MRTFA: variants seen among roughly 807,000 people sequenced by gnomAD.
The protein encoded by MRTFA is myocardin related transcription factor A, also known as myocardin-related transcription factor A.
MRTFA carries 20 observed loss-of-function variants against 83.5 expected under a neutral mutation model. The ratio of observed to expected loss-of-function variants is 0.24; its 90% CI spans 0.17 to 0.35. The LOEUF (loss-of-function observed/expected upper bound fraction) is 0.35, where lower values mean the gene tolerates loss of function less well. Ranked by LOEUF, MRTFA falls within the 10% of genes least tolerant of loss-of-function variation. MRTFA has a pLI of 1.00. For synonymous variants in MRTFA, 659 were observed against 541.2 expected (o/e 1.22, Z -3.02); for missense variants, 1,200 against 1,224.7 (o/e 0.98, Z 0.30).
intron 7 of MRTFA, among the ~76,000 whole-genome samples, chr22:40,429,198 AT>A (rs1653982441): frequency 6.6e-6 from 1 of 152,194 alleles, no homozygotes; most frequent in African/African-American, 2.4e-5. Flanking sequence ...TAAGTGAAAT[AT>A]CCGTGGAAAG....
chr22:40,419,822 C>T lies in MRTFA; in HGVS notation c.1354-438G>A, dbSNP rs879942841. Among the ~76,000 whole-genome samples the T allele has an allele frequency of 5.9e-5, 9 of 152,220 alleles. 1 individual carries two copies. The highest frequency in any genetic ancestry group is 1.2e-4 in the Non-Finnish European group (8 of 68,044). On this transcript the variant is annotated intron_variant, in intron 11 of 14. Coordinates refer to ENST00000355630, the MANE Select transcript of MRTFA (RefSeq NM_020831.6). Reference sequence around the variant, plus strand: ...ATCTTCTGATGGGGCAGAGAAAACACGCAAGGCACTGGGCATGACCCACTC... The same window carrying T: ...ATCTTCTGATGGGGCAGAGAAAACATGCAAGGCACTGGGCATGACCCACTC...
At chr22:40,610,292 C>T (rs182542552) in intron 1 of MRTFA, among the ~76,000 whole-genome samples, 1 of 152,236 alleles carries the variant, frequency 6.6e-6, no homozygotes, top group African/African-American at 2.4e-5. Flanking sequence ...AGATGATCCA[C>T]CAGCCTCGGC....
intron 2 of MRTFA, among the ~76,000 whole-genome samples, chr22:40,570,459 T>A (rs2055772248): frequency 6.6e-6 from 1 of 151,142 alleles, no homozygotes; most frequent in African/African-American, 2.4e-5. Context: ...GCACCTGTAG[T>A]CCCAGCTACT....
chr22:40,429,385 AT>A, intron 7 of MRTFA: 1 of 677,766 alleles, frequency 1.5e-6, no homozygotes, highest in Non-Finnish European at 2.7e-6. Flanking sequence ...GTTATTATTT[AT>A]TGTTGTATGT....
chr22:40,558,247 CTTTTTTTTTTTTT>C (rs34991397), intron 2 of MRTFA, among the ~76,000 whole-genome samples: 3 of 45,526 alleles, frequency 6.6e-5, no homozygotes, highest in African/African-American at 1.0e-4. Context: ...TCATGCCTGG[CTTTTTTTTTTTTT>C]TTTTTTTTTT....
rs747468224 is a variant in MRTFA, at chr22:40,419,071, G to A, written c.1667C>T (p.Thr556Ile). Residue 556 changes from threonine (T) to isoleucine (I), a missense_variant, in exon 12 of 15, where the codon ACC becomes ATC. Physicochemically the swap from Thr to Ile is moderately conservative, Grantham distance 89. Transcript: ENST00000355630. ...GCTGAGCAGTGAGCGCTCCGAGGGG[G>A]TGGGAGACACGGGGGGCGTGGAGCC... 4 of 1,608,500 alleles carry A rather than the reference G, an allele frequency of 2.5e-6. No homozygotes were observed. Among genetic ancestry groups the A allele is most frequent in the Non-Finnish European group, 3.4e-6 (4 of 1,178,112 alleles).
chr22:40,568,131 C>T (rs1362719037), intron 2 of MRTFA, among the ~76,000 whole-genome samples: 3 of 152,144 alleles, frequency 2.0e-5, no homozygotes, highest in Non-Finnish European at 4.4e-5. Flanking sequence ...TAAGCACCTA[C>T]CAGAGCCACA....
At chr22:40,577,557 T>C (rs2055884932) in intron 2 of MRTFA, among the ~76,000 whole-genome samples, 1 of 151,636 alleles carries the variant, frequency 6.6e-6, no homozygotes, top group African/African-American at 2.4e-5. Flanking sequence ...ACAAGGTAGG[T>C]ACAAGGAAAG....
At chr22:40,619,674 G>C (rs1431197394) in intron 1 of MRTFA, among the ~76,000 whole-genome samples, 1 of 151,958 alleles carries the variant, frequency 6.6e-6, no homozygotes, top group Non-Finnish European at 1.5e-5. Flanking sequence ...CGGATCACGA[G>C]GTCAGGAGAT....
chr22:40,527,134 A>G (rs1209600316), intron 3 of MRTFA, among the ~76,000 whole-genome samples: 2 of 140,668 alleles, frequency 1.4e-5, no homozygotes, highest in African/African-American at 5.5e-5. Flanking sequence ...TCAAAGATAC[A>G]CACACACACA....
At chr22:40,518,810 A>C (rs9611366) in intron 3 of MRTFA, among the ~76,000 whole-genome samples, 42,047 of 138,938 alleles carry the variant, frequency 0.3, 7,538 homozygotes, top group East Asian at 0.62. Context: ...AAAAAAAAAA[A>C]AAAAAAAAAA....
chr22:40,476,155 A>G (rs71321200), intron 3 of MRTFA, among the ~76,000 whole-genome samples: 4,406 of 144,894 alleles, frequency 0.03, 101 homozygotes, highest in Admixed American at 0.045. Flanking sequence ...AAAAAAAAAA[A>G]GGGGGGGGGT....
intron 2 of MRTFA, among the ~76,000 whole-genome samples, chr22:40,589,750 C>T (rs1287706443): frequency 2.0e-5 from 3 of 152,218 alleles, no homozygotes; most frequent in East Asian, 3.9e-4. Context: ...ATTACAAGGC[C>T]GGGCACGGTG....
chr22:40,427,471 T>C (rs1396299161), intron 7 of MRTFA, among the ~76,000 whole-genome samples: 1 of 152,036 alleles, frequency 6.6e-6, no homozygotes, highest in Non-Finnish European at 1.5e-5. Context: ...CTAAAACTCA[T>C]GTTAGAGGAA....
chr22:40,545,778 G>C (rs950624067), intron 3 of MRTFA, among the ~76,000 whole-genome samples: 8 of 147,146 alleles, frequency 5.4e-5, no homozygotes, highest in African/African-American at 7.6e-5. Context: ...TTGTCACCCA[G>C]GCTGGAGTGT....
chr22:40,617,014 G>T (rs2056456597), intron 1 of MRTFA, among the ~76,000 whole-genome samples: 1 of 151,522 alleles, frequency 6.6e-6, no homozygotes, highest in African/African-American at 2.4e-5. Flanking sequence ...AAGGTGGGAG[G>T]ATTGCTTGAG....
In MRTFA at chr22:40,419,093, A is replaced by G. The variant is rs555544949; in HGVS notation, c.1645T>C (p.Ser549Pro). ...GGGGTGGGAGACACGGGGGGCGTGG[A>G]GCCCGTGCTGCCAAACTTCACCACC... The change falls in exon 12 of 15, where the codon TCC becomes CCC. Residue 549 changes from serine to proline, a missense_variant. Coordinates refer to ENST00000355630, the MANE Select transcript of MRTFA (RefSeq NM_020831.6). 2 of 1,599,800 alleles carry G rather than the reference A, an allele frequency of 1.3e-6. No homozygotes were observed. The highest frequency in any genetic ancestry group is 2.3e-5 in the East Asian group (1 of 44,048).
intron 3 of MRTFA, among the ~76,000 whole-genome samples, chr22:40,480,063 C>T (rs1019984326): frequency 2.0e-5 from 3 of 152,114 alleles, no homozygotes; most frequent in African/African-American, 7.2e-5. Flanking sequence ...CATGCATCAT[C>T]TTATTTCTCA....
Position 40,416,423 on chromosome 22 carries a change from C to T in MRTFA, c.2578+563G>A, listed in dbSNP as rs1201919144. 1.3e-5 allele frequency among the ~76,000 whole-genome samples: 2 copies of T among 152,212 alleles called. No homozygotes were observed. The highest frequency in any genetic ancestry group is 2.4e-5 in the African/African-American group (1 of 41,454). ...CAGGCCTTTTCTGCTCAAGGCTGTGCGATGGCTTCCCACACAATGGAGCCA... is the reference window on the plus strand; with the variant it reads ...CAGGCCTTTTCTGCTCAAGGCTGTGTGATGGCTTCCCACACAATGGAGCCA... On this transcript the variant is annotated intron_variant, in intron 14 of 14. Transcript: ENST00000355630. The surrounding 1 kb of genome is among the most constrained non-coding windows in gnomAD (Gnocchi z 4.2).
Sources: gnomAD v4.1 joint callset for allele counts (sites outside exome capture counted in the v4.1 genomes callset) on GRCh38, gnomAD v4.1.1 for gene constraint, Gnocchi (gnomAD v3.1) non-coding constraint, MANE v1.5 for transcripts, NCBI Gene and HGNC (gene_info 2026-07-23, HGNC 2026-07-21) for gene names.